Variants in DCC observed in about 807,000 individuals in gnomAD.
The protein encoded by DCC is DCC netrin 1 receptor.
Under a neutral mutation model 172.5 loss-of-function variants are expected in DCC, and 58 were observed. The ratio of observed to expected loss-of-function variants is 0.34; its 90% CI spans 0.27 to 0.42. The LOEUF (loss-of-function observed/expected upper bound fraction) is 0.42, where lower values mean the gene tolerates loss of function less well. Among genes scored for constraint, DCC ranks in the 10% least tolerant of loss-of-function variants. DCC has a pLI of 1.00. For missense variants in DCC, 1,740 were observed against 1,791.0 expected, an observed-to-expected ratio of 0.97 and a Z score of 0.51; for synonymous variants, 709 against 644.5, an observed-to-expected ratio of 1.10 and a Z score of -1.52.
At chr18:52,656,080 ATGTG>A (rs59549711) in intron 1 of DCC, among the ~76,000 whole-genome samples, 6 of 143,550 alleles carry the variant, frequency 4.2e-5, no homozygotes, top group African/African-American at 1.3e-4. Flanking sequence ...GTGTATATAT[ATGTG>A]TGTGTGTGTA....
chr18:52,554,155 C>A (rs993096139), intron 1 of DCC, among the ~76,000 whole-genome samples: 2 of 151,952 alleles, frequency 1.3e-5, no homozygotes, highest in Admixed American at 1.3e-4. Context: ...TGTTGGATCA[C>A]AAAGTAGAAA....
intron 1 of DCC, among the ~76,000 whole-genome samples, chr18:52,541,875 G>GTGTATATATATATA (rs1555695194): frequency 1.3e-4 from 15 of 115,184 alleles, no homozygotes; most frequent in East Asian, 5.2e-4. Context: ...GTGTGTGTGT[G>GTGTATATATATATA]TATATATATA....
chr18:53,511,638 C>G (rs577129798), intron 27 of DCC, among the ~76,000 whole-genome samples: 15 of 152,284 alleles, frequency 9.9e-5, no homozygotes, highest in African/African-American at 3.6e-4. Flanking sequence ...CGAGGCATTG[C>G]GTCACTTGGG....
intron 21 of DCC, among the ~76,000 whole-genome samples, chr18:53,420,389 G>A (rs776318522): frequency 2.0e-5 from 3 of 152,156 alleles, no homozygotes; most frequent in Non-Finnish European, 2.9e-5. Flanking sequence ...CTGATTACAT[G>A]ATCCTGACAC....
intron 12 of DCC, among the ~76,000 whole-genome samples, chr18:53,266,433 G>A (rs1323546048): frequency 6.6e-6 from 1 of 152,026 alleles, no homozygotes; most frequent in Admixed American, 6.6e-5. Context: ...AATGCCTGGG[G>A]TAAAATGAGA....
chr18:53,292,640 G>T (rs1310091141), intron 12 of DCC, among the ~76,000 whole-genome samples: 2 of 152,212 alleles, frequency 1.3e-5, no homozygotes. Flanking sequence ...AGTGAGCCGA[G>T]ATCGTGCCAC....
intron 15 of DCC, among the ~76,000 whole-genome samples, chr18:53,367,229 T>A (rs2058015755): frequency 1.3e-5 from 2 of 152,140 alleles, no homozygotes; most frequent in South Asian, 4.1e-4. Context: ...CCACATTATC[T>A]TATAATAATT....
At chr18:53,151,153 C>CA (rs1461848862) in intron 7 of DCC, among the ~76,000 whole-genome samples, 4 of 152,160 alleles carry the variant, frequency 2.6e-5, no homozygotes, top group Non-Finnish European at 4.4e-5. Context: ...TTCATTTTAT[C>CA]AAAGAGTACA....
chr18:53,412,984 C>T (rs1359665165), intron 20 of DCC, among the ~76,000 whole-genome samples: 1 of 152,020 alleles, frequency 6.6e-6, no homozygotes, highest in African/African-American at 2.4e-5. Flanking sequence ...CTGCACATAC[C>T]CACCTTTCCA....
intron 1 of DCC, among the ~76,000 whole-genome samples, chr18:52,431,562 T>C (rs988857486): frequency 2.0e-5 from 3 of 152,146 alleles, no homozygotes; most frequent in African/African-American, 7.2e-5. Flanking sequence ...AAAAAAGTAT[T>C]GTTCGTCTTA....
intron 1 of DCC, among the ~76,000 whole-genome samples, chr18:52,686,428 A>G (rs1185906791): frequency 6.6e-6 from 1 of 152,072 alleles, no homozygotes; most frequent in Admixed American, 6.6e-5. Context: ...GCACTGCTCA[A>G]TTTCCCTTTG....
intron 27 of DCC, among the ~76,000 whole-genome samples, chr18:53,521,383 A>C (rs1415913840): frequency 6.6e-6 from 1 of 152,094 alleles, no homozygotes; most frequent in Non-Finnish European, 1.5e-5. Flanking sequence ...GCAGTATGAT[A>C]CACATAGTGC....
At chr18:53,406,095 C>T (rs894413943) in intron 19 of DCC, among the ~76,000 whole-genome samples, 2 of 152,286 alleles carry the variant, frequency 1.3e-5, no homozygotes, top group African/African-American at 2.4e-5. Context: ...CAGTGCCCAA[C>T]ACTATTTAAG....
chr18:52,945,239 C>G (rs943815696), intron 5 of DCC, among the ~76,000 whole-genome samples: 4 of 152,070 alleles, frequency 2.6e-5, no homozygotes, highest in East Asian at 3.9e-4. Flanking sequence ...AGAAAAAATA[C>G]CTTTCTAAGA....
chr18:53,067,919 G>A (rs146842520), intron 7 of DCC, among the ~76,000 whole-genome samples: 3 of 152,208 alleles, frequency 2.0e-5, no homozygotes, highest in East Asian at 3.9e-4. Context: ...TATATTGTAT[G>A]CACCCCAGCC....
chr18:52,797,771 T>C (rs1568110685), intron 2 of DCC, among the ~76,000 whole-genome samples: 1 of 152,204 alleles, frequency 6.6e-6, no homozygotes, highest in Non-Finnish European at 1.5e-5. Flanking sequence ...ATGGGTGGGA[T>C]GGAACCCCCA....
intron 1 of DCC, among the ~76,000 whole-genome samples, chr18:52,501,647 C>T (rs944484532): frequency 6.6e-6 from 1 of 152,096 alleles, no homozygotes; most frequent in African/African-American, 2.4e-5. Context: ...TGTTGGAGAA[C>T]GCTACCTGAG....
intron 1 of DCC, among the ~76,000 whole-genome samples, chr18:52,681,999 A>G (rs1482254730): frequency 6.6e-6 from 1 of 152,156 alleles, no homozygotes; most frequent in Non-Finnish European, 1.5e-5. Context: ...GGTTTATTCT[A>G]GAAGCTTTGA....
At chr18:52,696,832 C>G (rs2145024670) in intron 1 of DCC, among the ~76,000 whole-genome samples, 1 of 152,254 alleles carries the variant, frequency 6.6e-6, no homozygotes, top group East Asian at 1.9e-4. Flanking sequence ...AGGTGAATGT[C>G]TTGGGACTGG....
Sources: gnomAD v4.1 joint callset for allele counts (sites outside exome capture counted in the v4.1 genomes callset) on GRCh38, gnomAD v4.1.1 for gene constraint, MANE v1.5 for transcripts, NCBI Gene and HGNC (gene_info 2026-07-23, HGNC 2026-07-21) for gene names.